POPDC1: variants seen among roughly 807,000 people sequenced by gnomAD.
POPDC1 encodes popeye domain cAMP effector 1.
chr6:105,110,936 T>C, the POPDC1 span, among the ~76,000 whole-genome samples: 1 of 152,334 alleles, frequency 6.6e-6, no homozygotes, highest in East Asian at 1.9e-4. Flanking sequence ...TCCTCCTGCC[T>C]TGGCCTCCCA....
At chr6:105,106,747 T>C in the POPDC1 span, among the ~76,000 whole-genome samples, 1 of 152,196 alleles carries the variant, frequency 6.6e-6, no homozygotes, top group Non-Finnish European at 1.5e-5. Context: ...CTGCAGATCC[T>C]TCTCTGTCTT....
At chr6:105,107,480 A>T in the POPDC1 span, among the ~76,000 whole-genome samples, 5 of 152,262 alleles carry the variant, frequency 3.3e-5, no homozygotes, top group Non-Finnish European at 7.3e-5. Flanking sequence ...CCTGTTCCAG[A>T]GGATGAACAA....
chr6:105,100,277 AG>A, the POPDC1 span: 1 of 152,180 alleles, frequency 6.6e-6, no homozygotes, highest in African/African-American at 2.4e-5. Context: ...TGGGAGGCCA[AG>A]GTGGGCGGAT....
chr6:105,105,472 C>G, the POPDC1 span, among the ~76,000 whole-genome samples: 6 of 152,186 alleles, frequency 3.9e-5, no homozygotes, highest in African/African-American at 7.2e-5. Context: ...TCATGGCCAC[C>G]AGAAAGCCCA....
At chr6:105,117,863 T>C in the POPDC1 span, among the ~76,000 whole-genome samples, 3 of 152,082 alleles carry the variant, frequency 2.0e-5, no homozygotes, top group Non-Finnish European at 4.4e-5. Flanking sequence ...ACACACAACA[T>C]GGCAAAACCC....
the POPDC1 span, among the ~76,000 whole-genome samples, chr6:105,107,597 T>A: frequency 6.6e-6 from 1 of 152,216 alleles, no homozygotes; most frequent in Non-Finnish European, 1.5e-5. Flanking sequence ...GGAGCAACAT[T>A]TCTGTAAGCT....
the POPDC1 span, chr6:105,100,981 T>G: frequency 3.7e-6 from 5 of 1,336,548 alleles, no homozygotes; most frequent in African/African-American, 7.4e-5. Context: ...ACTCCACCAG[T>G]CTGGATGCAC....
the POPDC1 span, among the ~76,000 whole-genome samples, chr6:105,109,930 A>C: frequency 1.3e-5 from 2 of 151,878 alleles, no homozygotes; most frequent in South Asian, 4.2e-4. Flanking sequence ...TTTTTTAACC[A>C]TGTGATATCT....
the POPDC1 span, chr6:105,097,342 A>T: frequency 6.6e-6 from 1 of 152,286 alleles, no homozygotes; most frequent in Non-Finnish European, 1.5e-5. Context: ...CCAGGATCAA[A>T]GATATCTATA....
chr6:105,110,962 AG>A, the POPDC1 span, among the ~76,000 whole-genome samples: 50 of 152,248 alleles, frequency 3.3e-4, no homozygotes, highest in Admixed American at 8.5e-4. Context: ...CTGGGATTAT[AG>A]GTGTAAGCCA....
chr6:105,131,835 CG>C, the POPDC1 span, among the ~76,000 whole-genome samples: 22 of 36,042 alleles, frequency 6.1e-4, no homozygotes, highest in Non-Finnish European at 1.4e-4. Context: ...TTATAGGGTA[CG>C]GTATTTTTTT....
At chr6:105,118,233 G>A in the POPDC1 span, among the ~76,000 whole-genome samples, 9 of 152,180 alleles carry the variant, frequency 5.9e-5, no homozygotes, top group African/African-American at 2.2e-4. Flanking sequence ...AAGGGGATAT[G>A]TACATCTACC....
At chr6:105,114,549 T>C in the POPDC1 span, among the ~76,000 whole-genome samples, 1 of 152,242 alleles carries the variant, frequency 6.6e-6, no homozygotes, top group African/African-American at 2.4e-5. Context: ...GTTAATTTGG[T>C]TTAAAATACA....
the POPDC1 span, chr6:105,116,855 G>T: frequency 2.5e-6 from 4 of 1,611,354 alleles, no homozygotes; most frequent in Non-Finnish European, 3.4e-6. Flanking sequence ...GTTATCATCT[G>T]CAATAATGGT....
the POPDC1 span, among the ~76,000 whole-genome samples, chr6:105,108,796 A>C: frequency 1.1e-4 from 17 of 152,358 alleles, no homozygotes; most frequent in South Asian, 3.1e-3. Flanking sequence ...AATAATCTCA[A>C]CATTGTTTAT....
At chr6:105,102,651 A>G in the POPDC1 span, among the ~76,000 whole-genome samples, 2 of 152,192 alleles carry the variant, frequency 1.3e-5, no homozygotes, top group Non-Finnish European at 2.9e-5. Context: ...AAAAGGGGAT[A>G]TTCTTAGGAT....
the POPDC1 span, among the ~76,000 whole-genome samples, chr6:105,124,083 T>C: frequency 6.6e-6 from 1 of 152,110 alleles, no homozygotes; most frequent in Non-Finnish European, 1.5e-5. Context: ...TTTCTGTACA[T>C]ATATACAGTA....
the POPDC1 span, chr6:105,098,214 A>G: frequency 6.6e-6 from 1 of 152,230 alleles, no homozygotes; most frequent in African/African-American, 2.4e-5. Flanking sequence ...AGATACACTT[A>G]TTCATTTGTA....
chr6:105,104,557 C>T, the POPDC1 span, among the ~76,000 whole-genome samples: 7 of 152,194 alleles, frequency 4.6e-5, no homozygotes, highest in South Asian at 1.2e-3. Context: ...TAATTTCTGG[C>T]GGGTCTCCCA....
Sources: allele counts gnomAD v4.1 joint callset (sites outside exome capture counted in the v4.1 genomes callset), GRCh38; gene constraint gnomAD v4.1.1; transcripts MANE v1.5; gene names NCBI Gene and HGNC (gene_info 2026-07-23, HGNC 2026-07-21).